The following KIRREL3 variants were observed in gnomAD, a reference collection of about 807,000 sequenced individuals.
KIRREL3 encodes the protein kin of IRRE-like protein 3.
KIRREL3 carries 36 observed loss-of-function variants against 89.7 expected under a neutral mutation model. That is an observed-to-expected ratio of 0.40 (90% CI 0.31 to 0.53). The LOEUF (loss-of-function observed/expected upper bound fraction) is 0.53. Among genes scored for constraint, KIRREL3 ranks in the 20% least tolerant of loss-of-function variants. The probability of loss-of-function intolerance (pLI) is 0.49; values close to 1 mark genes in which losing one functional copy is unlikely to be tolerated. For missense variants in KIRREL3, 864 were observed against 1,056.6 expected (o/e 0.82, Z 2.53); for synonymous variants, 445 against 441.4 (o/e 1.01, Z -0.10).
At position 126,908,734 on chromosome 11, in the gene KIRREL3, C is replaced by T. The variant is rs1946685452; in HGVS notation, c.55+91721G>A. Among the ~76,000 whole-genome samples the T allele has an allele frequency of 6.6e-6, 1 of 152,238 alleles. No individual in the cohort carries two copies. Among genetic ancestry groups the T allele is most frequent in the South Asian group, 2.1e-4 (1 of 4,826 alleles). On this transcript the variant is annotated intron_variant, in intron 1 of 16. Transcript: ENST00000525144. The surrounding 1 kb of genome is among the most constrained non-coding windows in gnomAD (Gnocchi z 4.2). ...CACAGTAGATTAAATATAATAGTTT[C>T]TGCTTTTATGGGGCCTATAGTCTAG...
At chr11:126,673,322 G>A (rs535786807) in intron 1 of KIRREL3, among the ~76,000 whole-genome samples, 1 of 152,318 alleles carries the variant, frequency 6.6e-6, no homozygotes, top group East Asian at 1.9e-4. Flanking sequence ...TATCTGGTCA[G>A]GACAGGTGGC....
chr11:126,483,586 G>A (rs1957276934), intron 4 of KIRREL3, among the ~76,000 whole-genome samples: 1 of 152,214 alleles, frequency 6.6e-6, no homozygotes, highest in African/African-American at 2.4e-5. Flanking sequence ...TGTTCTGGAA[G>A]CTCGGTCTGC....
chr11:126,463,086 A>C lies in KIRREL3; in HGVS notation c.742+71T>G. 1 of 1,446,550 alleles carries C rather than the reference A, an allele frequency of 6.9e-7. No individual in the cohort carries two copies. The highest frequency in any genetic ancestry group is 9.5e-7 in the Non-Finnish European group (1 of 1,050,742). 89.6% of individuals were successfully genotyped at this position (1,446,550 alleles called of 1,614,324 possible). On this transcript the variant is annotated intron_variant, in intron 6 of 16. Coordinates refer to ENST00000525144, the MANE Select transcript of KIRREL3 (RefSeq NM_032531.4). The surrounding 1 kb of genome is among the most constrained non-coding windows in gnomAD (Gnocchi z 5.9). ...TTCCTGCTATCAGATGGGCCAGGCT[A>C]TGGTCAGGGTTGCTGGGTGTTTCAC...
In KIRREL3 at chr11:126,636,045, GC is replaced by G. The variant is rs2134905942; in HGVS notation, c.56-73134del. 6.6e-6 allele frequency among the ~76,000 whole-genome samples: 1 copy of G among 152,284 alleles called. No individual in the cohort carries two copies. The highest frequency in any genetic ancestry group is 1.5e-5 in the Non-Finnish European group (1 of 68,024). ...GAGTCAAAGTCTGCTCTGAAGACCAGCCCCCTTAGAGTGACAGAGATGGGGC... is the reference window on the plus strand; with the variant it reads ...GAGTCAAAGTCTGCTCTGAAGACCAGCCCCTTAGAGTGACAGAGATGGGGC... On this transcript the variant is annotated intron_variant, in intron 1 of 16. Transcript: ENST00000525144. This position sits in a 1 kb window ranked among gnomAD's most constrained non-coding sequence, Gnocchi z 4.4.
chr11:126,938,012 AT>A (rs1240030067), intron 1 of KIRREL3, among the ~76,000 whole-genome samples: 5 of 152,348 alleles, frequency 3.3e-5, no homozygotes, highest in African/African-American at 9.6e-5. Context: ...TGCTTCTGAC[AT>A]GGGTAAACTG....
At chr11:126,852,536 G>A (rs1174498261) in intron 1 of KIRREL3, among the ~76,000 whole-genome samples, 1 of 152,142 alleles carries the variant, frequency 6.6e-6, no homozygotes, top group African/African-American at 2.4e-5. Flanking sequence ...TCTGGAGACC[G>A]TAAGTCCTCT....
intron 1 of KIRREL3, among the ~76,000 whole-genome samples, chr11:126,857,446 C>T (rs1251274512): frequency 6.6e-6 from 1 of 152,188 alleles, no homozygotes; most frequent in Non-Finnish European, 1.5e-5. Flanking sequence ...ATGTTACATC[C>T]TAGAGCTTCC....
chr11:126,987,404 T>C lies in KIRREL3; in HGVS notation c.55+13051A>G, dbSNP rs1949896655. On this transcript the variant is annotated intron_variant, in intron 1 of 16. Coordinates refer to ENST00000525144, the MANE Select transcript of KIRREL3 (RefSeq NM_032531.4). The surrounding 1 kb of genome is among the most constrained non-coding windows in gnomAD (Gnocchi z 4.6). ...GCATGGATCTTAGAATATCTGTTGA[T>C]AATAAGAGTGAAAGGTAGATTTCCT... Among the ~76,000 whole-genome samples the C allele has an allele frequency of 6.6e-6, 1 of 152,234 alleles. No individual in the cohort carries two copies. The highest frequency in any genetic ancestry group is 2.4e-5 in the African/African-American group (1 of 41,460).
chr11:126,536,267 G>A (rs1488877983), intron 2 of KIRREL3, among the ~76,000 whole-genome samples: 1 of 105,432 alleles, frequency 9.5e-6, no homozygotes, highest in African/African-American at 3.6e-5. Flanking sequence ...GTGTGTGTCT[G>A]TGTGTGTGTG....
intron 2 of KIRREL3, among the ~76,000 whole-genome samples, chr11:126,547,863 C>T (rs1938938689): frequency 6.6e-6 from 1 of 152,186 alleles, no homozygotes; most frequent in African/African-American, 2.4e-5. Context: ...GCTCCCGAGG[C>T]AGGGTGGAAG....
chr11:126,433,679 G>A (rs1955216334), intron 13 of KIRREL3, among the ~76,000 whole-genome samples: 1 of 152,196 alleles, frequency 6.6e-6, no homozygotes, highest in Non-Finnish European at 1.5e-5. Flanking sequence ...ACCAATAGAC[G>A]ACAACGTCTC....
rs67640196 is a variant in KIRREL3, at chr11:126,768,170, A to AATCCATCCATCC, written c.56-205270_56-205259dup. On this transcript the variant is annotated intron_variant, in intron 1 of 16. Coordinates refer to ENST00000525144, the MANE Select transcript of KIRREL3 (RefSeq NM_032531.4). The surrounding 1 kb of genome is among the most constrained non-coding windows in gnomAD (Gnocchi z 4.5). ...CATCCATCCATCCATCCATCCATCC[A>AATCCATCCATCC]ATCCATCCATCCATCCATCCATCCA... Among the ~76,000 whole-genome samples the AATCCATCCATCC allele has an allele frequency of 3.4e-4, 27 of 80,012 alleles. No homozygotes were observed. Among genetic ancestry groups the AATCCATCCATCC allele is most frequent in the Non-Finnish European group, 6.1e-4 (21 of 34,584 alleles). The allele number at this position is 80,012 out of a possible 152,430, so 52.5% of individuals were successfully genotyped here.
intron 1 of KIRREL3, among the ~76,000 whole-genome samples, chr11:126,767,787 A>G (rs1157077669): frequency 6.6e-6 from 1 of 152,224 alleles, no homozygotes; most frequent in Non-Finnish European, 1.5e-5. Flanking sequence ...CAGCAAAATA[A>G]TGGACATTGA....
intron 6 of KIRREL3, among the ~76,000 whole-genome samples, chr11:126,457,980 G>C (rs1956427473): frequency 6.6e-6 from 1 of 152,190 alleles, no homozygotes; most frequent in Admixed American, 6.5e-5. Context: ...TCCAGAGGCT[G>C]GTGTCACCCC....
chr11:126,982,667 G>A (rs983316461), intron 1 of KIRREL3, among the ~76,000 whole-genome samples: 5 of 152,088 alleles, frequency 3.3e-5, no homozygotes, highest in African/African-American at 1.2e-4. Context: ...CTCTTTTCTA[G>A]CCAGATCCTC....
chr11:126,682,119 A>G lies in KIRREL3; in HGVS notation c.56-119207T>C. ...CCCTCCTGTGACCACCGAAAAGGTC[A>G]TATTTAGGACCTGGGTGAAGGAAGA... On this transcript the variant is annotated intron_variant, in intron 1 of 16. Transcript: ENST00000525144. This position sits in a 1 kb window ranked among gnomAD's most constrained non-coding sequence, Gnocchi z 4.8. 3.0e-6 allele frequency: 1 copy of G among 336,344 alleles called. No individual in the cohort carries two copies. Among genetic ancestry groups the G allele is most frequent in the South Asian group, 2.4e-5 (1 of 41,146 alleles). The allele number at this position is 336,344 out of a possible 1,614,324, so 20.8% of individuals were successfully genotyped here. A position where few individuals can be genotyped will look rare whatever the true frequency, so the allele number is the denominator to read the frequency against.
intron 1 of KIRREL3, among the ~76,000 whole-genome samples, chr11:126,573,863 C>A (rs1941107649): frequency 6.6e-6 from 1 of 151,992 alleles, no homozygotes; most frequent in Admixed American, 6.6e-5. Context: ...CGCGGGGGGA[C>A]CTCTTGCTGG....
rs531730483 is a variant in KIRREL3, at chr11:126,791,462, G to A, written c.55+208993C>T. On this transcript the variant is annotated intron_variant, in intron 1 of 16. Coordinates refer to ENST00000525144, the MANE Select transcript of KIRREL3 (RefSeq NM_032531.4). The surrounding 1 kb of genome is among the most constrained non-coding windows in gnomAD (Gnocchi z 4.8). Reference sequence around the variant, plus strand: ...AGCCCAGCCACTCCTGATGGTGACGGCATTTGCAGAAAATTGTACATATTG... The same window carrying A: ...AGCCCAGCCACTCCTGATGGTGACGACATTTGCAGAAAATTGTACATATTG... 1.5e-4 allele frequency among the ~76,000 whole-genome samples: 23 copies of A among 152,270 alleles called. No individual in the cohort carries two copies. The highest frequency in any genetic ancestry group is 5.1e-4 in the African/African-American group (21 of 41,564).
intron 1 of KIRREL3, among the ~76,000 whole-genome samples, chr11:126,745,681 C>T (rs1949125705): frequency 6.6e-6 from 1 of 152,176 alleles, no homozygotes; most frequent in Non-Finnish European, 1.5e-5. Flanking sequence ...GTGGTCTAAC[C>T]ACTGAGCTTC....
Sources: gnomAD v4.1 joint callset for allele counts (sites outside exome capture counted in the v4.1 genomes callset) on GRCh38, gnomAD v4.1.1 for gene constraint, Gnocchi (gnomAD v3.1) non-coding constraint, MANE v1.5 for transcripts, NCBI Gene and HGNC (gene_info 2026-07-23, HGNC 2026-07-21) for gene names.